MMP26: variants seen among roughly 807,000 people sequenced by gnomAD.
MMP26 encodes the protein matrix metallopeptidase 26.
In MMP26, 33 loss-of-function variants were observed where a neutral mutation model predicts 31.0. That is an observed-to-expected ratio of 1.06 (90% CI 0.81 to 1.42). MMP26 has a LOEUF of 1.42. Ranked by LOEUF, MMP26 falls within the 40% of genes most tolerant of loss-of-function variation. The probability of loss-of-function intolerance (pLI) is 0.00; values close to 1 mark genes in which losing one functional copy is unlikely to be tolerated. For missense variants in MMP26, 347 were observed against 316.1 expected (o/e 1.10, Z -0.74); for synonymous variants, 122 against 114.9 (o/e 1.06, Z -0.40).
chr11:4,969,690 G>T (rs1252067690), intron 2 of MMP26, among the ~76,000 whole-genome samples: 1 of 151,870 alleles, frequency 6.6e-6, no homozygotes, highest in Non-Finnish European at 1.5e-5. Flanking sequence ...ATGTTCCTAG[G>T]TTGAATAATT....
At chr11:4,858,203 A>T (rs577289449) in intron 2 of MMP26, among the ~76,000 whole-genome samples, 24 of 152,164 alleles carry the variant, frequency 1.6e-4, no homozygotes, top group Non-Finnish European at 3.1e-4. Flanking sequence ...CCTATTCAAC[A>T]TAGTATTGGA....
chr11:4,753,292 G>A (rs1445224949), intron 1 of MMP26, among the ~76,000 whole-genome samples: 6 of 151,994 alleles, frequency 3.9e-5, no homozygotes, highest in Non-Finnish European at 5.9e-5. Context: ...ATAGAATCAT[G>A]TATTATATAC....
chr11:4,909,844 C>A (rs1456125999), intron 2 of MMP26, among the ~76,000 whole-genome samples: 1 of 152,098 alleles, frequency 6.6e-6, no homozygotes, highest in Non-Finnish European at 1.5e-5. Flanking sequence ...CCTTTTCCAT[C>A]ATTCAGTACC....
intron 2 of MMP26, chr11:4,821,695 C>A (rs7114668): frequency 0.048 from 77,496 of 1,613,778 alleles, 3,142 homozygotes; most frequent in African/African-American, 0.2. Context: ...GTTTGAAGCC[C>A]GAGAAATCAA....
chr11:4,849,180 G>T, intron 2 of MMP26: 1 of 1,612,490 alleles, frequency 6.2e-7, no homozygotes, highest in Non-Finnish European at 8.5e-7. Context: ...GCTGCTATTG[G>T]GGGCTATCTG....
intron 2 of MMP26, among the ~76,000 whole-genome samples, chr11:4,902,464 T>G (rs182441038): frequency 4.2e-4 from 64 of 152,298 alleles, no homozygotes; most frequent in Middle Eastern, 3.4e-3. Flanking sequence ...TCTTTTTTTG[T>G]GGCTGTGTAG....
chr11:4,918,877 C>T (rs950830679), intron 2 of MMP26, among the ~76,000 whole-genome samples: 2 of 152,184 alleles, frequency 1.3e-5, no homozygotes, highest in African/African-American at 4.8e-5. Context: ...ACTTCCTATC[C>T]ATCTCCTTGT....
At chr11:4,769,330 T>G in intron 2 of MMP26, 1 of 1,613,660 alleles carries the variant, frequency 6.2e-7, no homozygotes, top group African/African-American at 1.3e-5. Context: ...AGATGCTATT[T>G]GCCCGAATGT....
intron 2 of MMP26, among the ~76,000 whole-genome samples, chr11:4,902,812 A>T (rs1052840341): frequency 6.6e-6 from 1 of 152,140 alleles, no homozygotes; most frequent in Non-Finnish European, 1.5e-5. Context: ...AGACATGGGA[A>T]CTAGCAATGA....
intron 2 of MMP26, among the ~76,000 whole-genome samples, chr11:4,770,335 G>C (rs1306550543): frequency 6.6e-6 from 1 of 152,194 alleles, no homozygotes; most frequent in African/African-American, 2.4e-5. Context: ...TGGTTCTTCA[G>C]TGACCATAAG....
At chr11:4,753,846 T>C (rs1848475961) in intron 1 of MMP26, among the ~76,000 whole-genome samples, 1 of 152,078 alleles carries the variant, frequency 6.6e-6, no homozygotes, top group Non-Finnish European at 1.5e-5. Flanking sequence ...ATATTCTTCT[T>C]AGTTTGTAAC....
intron 1 of MMP26, among the ~76,000 whole-genome samples, chr11:4,721,790 T>C (rs1430916849): frequency 1.3e-5 from 2 of 152,186 alleles, no homozygotes; most frequent in African/African-American, 4.8e-5. Context: ...TGAGCTGACT[T>C]GGGGTTGGGT....
At chr11:4,764,543 T>G (rs1180458739) in intron 1 of MMP26, among the ~76,000 whole-genome samples, 1 of 152,146 alleles carries the variant, frequency 6.6e-6, no homozygotes, top group Non-Finnish European at 1.5e-5. Context: ...AACATTATAT[T>G]TCAAAATAAT....
chr11:4,955,081 G>A, intron 2 of MMP26: 4 of 1,444,930 alleles, frequency 2.8e-6, no homozygotes, highest in South Asian at 1.2e-5. Flanking sequence ...TGAGAATAAA[G>A]TCTACCATAA....
intron 1 of MMP26, among the ~76,000 whole-genome samples, chr11:4,735,881 A>G (rs992486126): frequency 6.6e-6 from 1 of 152,202 alleles, no homozygotes; most frequent in Non-Finnish European, 1.5e-5. Flanking sequence ...GTTTGGTCTC[A>G]TGAAGAAAGT....
At chr11:4,879,693 T>C (rs1354654549) in intron 2 of MMP26, among the ~76,000 whole-genome samples, 6 of 152,292 alleles carry the variant, frequency 3.9e-5, no homozygotes, top group Middle Eastern at 3.4e-3. Flanking sequence ...AAGCATATTA[T>C]GTGTTCATCA....
At chr11:4,892,980 G>A (rs1850649099) in intron 2 of MMP26, among the ~76,000 whole-genome samples, 1 of 151,904 alleles carries the variant, frequency 6.6e-6, no homozygotes, top group African/African-American at 2.4e-5. Context: ...TTCCAGCCTG[G>A]ATTTAACCAT....
chr11:4,727,581 G>A (rs1021632937), intron 1 of MMP26, among the ~76,000 whole-genome samples: 5 of 152,114 alleles, frequency 3.3e-5, no homozygotes, highest in Admixed American at 1.3e-4. Context: ...AGGCCGAGGC[G>A]GGTGGATCAC....
At chr11:4,961,607 T>C (rs1370685944) in intron 2 of MMP26, among the ~76,000 whole-genome samples, 2 of 152,204 alleles carry the variant, frequency 1.3e-5, no homozygotes, top group African/African-American at 2.4e-5. Flanking sequence ...AACAAAGTAA[T>C]AGTTTCATCT....
Sources: gnomAD v4.1 joint callset for allele counts (sites outside exome capture counted in the v4.1 genomes callset) on GRCh38, gnomAD v4.1.1 for gene constraint, MANE v1.5 for transcripts, NCBI Gene and HGNC (gene_info 2026-07-23, HGNC 2026-07-21) for gene names.